Variants in UNC13C observed in about 807,000 individuals in gnomAD.
The protein encoded by UNC13C is unc-13 homolog C.
UNC13C carries 174 observed loss-of-function variants against 245.4 expected under a neutral mutation model. The ratio of observed to expected loss-of-function variants is 0.71; its 90% CI spans 0.63 to 0.80. The LOEUF is 0.80. UNC13C is among the 30% of genes least tolerant of loss of function. The pLI, the probability that UNC13C is intolerant of heterozygous loss-of-function variation, is 0.00. For missense variants in UNC13C, 2,829 were observed against 2,602.9 expected (o/e 1.09, Z -1.89); for synonymous variants, 992 against 895.1 (o/e 1.11, Z -1.93).
At position 54,009,548 on chromosome 15, in the gene UNC13C, TTC is replaced by T. The variant is rs770685070; in HGVS notation, c.-256-3098_-256-3097del. On this transcript the variant is annotated intron_variant, in intron 1 of 32. Coordinates refer to ENST00000260323, the MANE Select transcript of UNC13C (RefSeq NM_001080534.3). The stretch of plus-strand genomic sequence containing the variant: ...GAAAGTAATTTTCTTCTTCTTCTTC[TTC>T]TTTTTTTTTTTTGTTGAGATGAAAT... Among the ~76,000 whole-genome samples the T allele has an allele frequency of 2.8e-3, 292 of 104,472 alleles. 1 individual carries two copies. Among genetic ancestry groups the T allele is most frequent in the African/African-American group, 0.01 (261 of 25,204 alleles). 68.5% of individuals were successfully genotyped at this position (104,472 alleles called of 152,430 possible).
intron 2 of UNC13C, among the ~76,000 whole-genome samples, chr15:54,127,854 C>G (rs978314000): frequency 8.7e-5 from 13 of 149,910 alleles, no homozygotes; most frequent in Non-Finnish European, 1.8e-4. Flanking sequence ...GGAACTGGAG[C>G]TGGGACAAGA....
At chr15:54,071,724 T>C (rs1401647863) in intron 2 of UNC13C, among the ~76,000 whole-genome samples, 1 of 152,202 alleles carries the variant, frequency 6.6e-6, no homozygotes, top group Non-Finnish European at 1.5e-5. Flanking sequence ...AATATCAGTG[T>C]TCATACATAA....
the UNC13C span, among the ~76,000 whole-genome samples, chr15:53,837,778 A>G: frequency 2.0e-5 from 3 of 152,222 alleles, no homozygotes; most frequent in East Asian, 3.9e-4. Context: ...TTTACATGGC[A>G]TTTCCCCAAA....
chr15:54,067,903 T>C (rs1275320818), intron 2 of UNC13C, among the ~76,000 whole-genome samples: 1 of 152,092 alleles, frequency 6.6e-6, no homozygotes, highest in Non-Finnish European at 1.5e-5. Context: ...AATTAAGGAG[T>C]TAGAGTAATA....
intron 17 of UNC13C, among the ~76,000 whole-genome samples, chr15:54,389,581 G>A (rs2039910009): frequency 6.6e-6 from 1 of 152,152 alleles, no homozygotes; most frequent in Non-Finnish European, 1.5e-5. Flanking sequence ...CCTTGTGTGT[G>A]TAAGTACATG....
the UNC13C span, among the ~76,000 whole-genome samples, chr15:53,930,032 CCTT>C: frequency 6.6e-6 from 1 of 152,112 alleles, no homozygotes; most frequent in Admixed American, 6.5e-5. Context: ...CCTGAGTGGT[CCTT>C]CTGCTCTGGT....
At chr15:54,631,563 T>G (rs1471264481), downstream of UNC13C, 2 of 152,204 alleles carry the variant, frequency 1.3e-5, no homozygotes, top group Non-Finnish European at 2.9e-5. Flanking sequence ...CCCTCACGTT[T>G]TGTGTATTCC....
intron 14 of UNC13C, among the ~76,000 whole-genome samples, chr15:54,322,777 A>G (rs143718118): frequency 2.6e-5 from 4 of 152,158 alleles, no homozygotes; most frequent in African/African-American, 9.6e-5. Context: ...GAGTATTTCT[A>G]GTAAAGTGGT....
the UNC13C span, among the ~76,000 whole-genome samples, chr15:53,934,147 A>G: frequency 4.6e-5 from 7 of 152,172 alleles, no homozygotes; most frequent in East Asian, 1.4e-3. Flanking sequence ...ATCTCACAAG[A>G]TCTCACTTGC....
At chr15:54,323,888 C>G (rs2038229200) in intron 14 of UNC13C, among the ~76,000 whole-genome samples, 1 of 152,024 alleles carries the variant, frequency 6.6e-6, no homozygotes, top group South Asian at 2.1e-4. Context: ...GCCTTTCTCC[C>G]TCTGAGAAAG....
At chr15:53,845,397 A>T in the UNC13C span, among the ~76,000 whole-genome samples, 1 of 152,122 alleles carries the variant, frequency 6.6e-6, no homozygotes. Context: ...GAAGTAGATC[A>T]AAAAGAATAC....
the UNC13C span, among the ~76,000 whole-genome samples, chr15:53,856,593 T>A: frequency 6.6e-6 from 1 of 152,046 alleles, no homozygotes; most frequent in South Asian, 2.1e-4. Context: ...TTTCATGTAG[T>A]TTTGTGGTTT....
chr15:53,864,792 T>C, the UNC13C span, among the ~76,000 whole-genome samples: 1 of 152,182 alleles, frequency 6.6e-6, no homozygotes. Context: ...TTGGAGACCA[T>C]ATGACAGGCT....
chr15:54,489,143 A>G (rs1453479074), intron 19 of UNC13C, among the ~76,000 whole-genome samples: 1 of 152,196 alleles, frequency 6.6e-6, no homozygotes, highest in African/African-American at 2.4e-5. Context: ...GAAGGCATAT[A>G]TGAACACATA....
At chr15:53,913,603 C>G in the UNC13C span, 1 of 152,186 alleles carries the variant, frequency 6.6e-6, no homozygotes, top group Non-Finnish European at 1.5e-5. Flanking sequence ...GGTAATGACC[C>G]CATCGACTGG....
chr15:53,946,523 C>A, the UNC13C span, among the ~76,000 whole-genome samples: 3 of 150,008 alleles, frequency 2.0e-5, no homozygotes, highest in East Asian at 5.9e-4. Context: ...GAGTTCAAGA[C>A]TAGCCTGGCC....
At chr15:54,468,731 G>A (rs542542887) in intron 19 of UNC13C, among the ~76,000 whole-genome samples, 5 of 151,608 alleles carry the variant, frequency 3.3e-5, no homozygotes, top group South Asian at 4.1e-4. Context: ...GTGCACTGGC[G>A]CCTTTGTCAA....
chr15:54,015,049 C>T lies in UNC13C; in HGVS notation c.2146C>T (p.Gln716Ter), dbSNP rs1226546450. 6.2e-7 allele frequency: 1 copy of T among 1,612,968 alleles called. No individual in the cohort carries two copies. Among genetic ancestry groups the T allele is most frequent in the African/African-American group, 1.3e-5 (1 of 75,026 alleles). Residue 716 changes from glutamine to a stop codon, truncating the protein, a stop_gained, in exon 2 of 33, where the codon CAA becomes TAA. Transcript: ENST00000260323. LOFTEE classifies it high-confidence loss of function. The part of the protein sequence containing the change: ...QDDSESYDLT[Q>*]DDNSSPCPGL... The stretch of plus-strand genomic sequence containing the variant: ...TGACTCAGAGAGCTACGACTTAACT[C>T]AAGATGACAATTCTTCTCCATGCCC...
At chr15:54,179,913 G>A (rs1203388033) in intron 4 of UNC13C, among the ~76,000 whole-genome samples, 2 of 152,002 alleles carry the variant, frequency 1.3e-5, no homozygotes, top group African/African-American at 2.4e-5. Flanking sequence ...CTTTTCAAAA[G>A]AGAAGCAATA....
Sources: gnomAD v4.1 joint callset for allele counts (sites outside exome capture counted in the v4.1 genomes callset) on GRCh38, gnomAD v4.1.1 for gene constraint, MANE v1.5 for transcripts, NCBI Gene and HGNC (gene_info 2026-07-23, HGNC 2026-07-21) for gene names.